The following SMOC1 variants were observed in gnomAD, a reference collection of about 807,000 sequenced individuals.
SMOC1 encodes the protein SPARC-related modular calcium-binding protein 1.
A neutral mutation model predicts 56.3 loss-of-function variants in SMOC1; 22 were observed. The observed-to-expected ratio is 0.39, with a 90% CI of 0.28 to 0.56. The LOEUF (loss-of-function observed/expected upper bound fraction) is 0.56. Ranked by LOEUF, SMOC1 falls within the 20% of genes least tolerant of loss-of-function variation. The pLI is 0.61. For synonymous variants in SMOC1, 193 were observed against 215.0 expected (o/e 0.90, Z 0.89); for missense variants, 509 against 565.4 (o/e 0.90, Z 1.01).
intron 11 of SMOC1, among the ~76,000 whole-genome samples, chr14:70,025,067 G>A (rs1231303980): frequency 6.6e-6 from 1 of 152,128 alleles, no homozygotes; most frequent in Non-Finnish European, 1.5e-5. Context: ...TCACTGAGAT[G>A]GGCAACATGG....
intron 3 of SMOC1, among the ~76,000 whole-genome samples, chr14:69,961,654 G>T (rs1883385036): frequency 6.6e-6 from 1 of 152,252 alleles, no homozygotes; most frequent in Admixed American, 6.5e-5. Flanking sequence ...AGGATTACAG[G>T]TGTGGGCCAC....
At chr14:69,957,156 G>T (rs1257287198) in intron 3 of SMOC1, among the ~76,000 whole-genome samples, 1 of 152,180 alleles carries the variant, frequency 6.6e-6, no homozygotes, top group South Asian at 2.1e-4. Context: ...CCAAGCAGTT[G>T]TCTGGTGCCC....
intron 5 of SMOC1, among the ~76,000 whole-genome samples, chr14:69,981,991 A>C (rs920546549): frequency 6.6e-6 from 1 of 152,078 alleles, no homozygotes; most frequent in African/African-American, 2.4e-5. Context: ...AGAGTGATTA[A>C]ATGAAAGGAT....
intron 7 of SMOC1, among the ~76,000 whole-genome samples, chr14:70,002,863 C>T (rs1314673257): frequency 6.6e-6 from 1 of 152,214 alleles, no homozygotes; most frequent in Non-Finnish European, 1.5e-5. Flanking sequence ...TCATGGAGTG[C>T]AGCAACCCTT....
At chr14:69,890,085 T>C (rs1883920049) in intron 1 of SMOC1, among the ~76,000 whole-genome samples, 1 of 152,202 alleles carries the variant, frequency 6.6e-6, no homozygotes, top group African/African-American at 2.4e-5. Context: ...CCTACCACAT[T>C]CATTAAGGGC....
At chr14:69,974,937 G>A (rs1379735758) in intron 3 of SMOC1, among the ~76,000 whole-genome samples, 1 of 152,144 alleles carries the variant, frequency 6.6e-6, no homozygotes, top group Admixed American at 6.5e-5. Context: ...ATGGATGCTA[G>A]GAGAAGCTAG....
chr14:70,020,247 TAG>T (rs1885660359), intron 10 of SMOC1, among the ~76,000 whole-genome samples: 1 of 152,110 alleles, frequency 6.6e-6, no homozygotes, highest in African/African-American at 2.4e-5. Flanking sequence ...TCCATTTCTC[TAG>T]AGAGAGAGCT....
intron 5 of SMOC1, among the ~76,000 whole-genome samples, chr14:69,990,485 C>A (rs1048701345): frequency 6.6e-6 from 1 of 152,198 alleles, no homozygotes; most frequent in Admixed American, 6.5e-5. Flanking sequence ...GGGCTGAGCA[C>A]ACTGTGCTGG....
intron 7 of SMOC1, among the ~76,000 whole-genome samples, chr14:70,007,308 C>T (rs1452612961): frequency 1.3e-5 from 2 of 152,182 alleles, no homozygotes; most frequent in African/African-American, 4.8e-5. Context: ...CACCTAATTC[C>T]AAGTCTGGCC....
chr14:69,896,201 T>C (rs766428462), intron 1 of SMOC1, among the ~76,000 whole-genome samples: 3 of 152,214 alleles, frequency 2.0e-5, no homozygotes, highest in Non-Finnish European at 4.4e-5. Context: ...GAAATTCACC[T>C]CCCATCTCAA....
chr14:69,974,932 T>C (rs1414104494), intron 3 of SMOC1, among the ~76,000 whole-genome samples: 1 of 152,156 alleles, frequency 6.6e-6, no homozygotes, highest in Non-Finnish European at 1.5e-5. Flanking sequence ...TATGAATGGA[T>C]GCTAGGAGAA....
At chr14:70,023,060 A>T in intron 10 of SMOC1, 143 bp from the exon 11 acceptor site, 2 of 1,291,888 alleles carry the variant, frequency 1.5e-6, no homozygotes, top group African/African-American at 1.5e-5. Flanking sequence ...TAACGTTGCC[A>T]CAGGCTGAGC....
intron 1 of SMOC1, among the ~76,000 whole-genome samples, chr14:69,895,795 G>A (rs186526131): frequency 2.0e-5 from 3 of 151,814 alleles, no homozygotes. Context: ...GAAAAGACTG[G>A]GCTCACAGCC....
intron 4 of SMOC1, among the ~76,000 whole-genome samples, chr14:69,977,631 G>A (rs1884014420): frequency 6.6e-6 from 1 of 152,186 alleles, no homozygotes; most frequent in Non-Finnish European, 1.5e-5. Context: ...CAACTAGGGA[G>A]TTATATGAGT....
intron 1 of SMOC1, among the ~76,000 whole-genome samples, chr14:69,907,770 T>C (rs956063956): frequency 1.3e-5 from 2 of 152,228 alleles, no homozygotes; most frequent in African/African-American, 4.8e-5. Flanking sequence ...AGGCTGGAAG[T>C]CCAAGATCAA....
intron 1 of SMOC1, among the ~76,000 whole-genome samples, chr14:69,900,237 C>G (rs539599439): frequency 6.6e-6 from 1 of 152,322 alleles, no homozygotes; most frequent in African/African-American, 2.4e-5. Flanking sequence ...CACCCAACTA[C>G]CTAGTCCTTA....
At chr14:69,941,436 T>A (rs1216848378) in intron 1 of SMOC1, among the ~76,000 whole-genome samples, 1 of 152,182 alleles carries the variant, frequency 6.6e-6, no homozygotes, top group Non-Finnish European at 1.5e-5. Context: ...AAGCTCATCA[T>A]CTACAGTGTG....
intron 1 of SMOC1, among the ~76,000 whole-genome samples, chr14:69,940,583 C>T (rs200006820): frequency 3.1e-4 from 47 of 152,150 alleles, no homozygotes; most frequent in East Asian, 7.7e-4. Context: ...AAGGGCAGGA[C>T]GCTTAGAACC....
At chr14:69,932,147 C>T (rs1311993214) in intron 1 of SMOC1, among the ~76,000 whole-genome samples, 1 of 152,172 alleles carries the variant, frequency 6.6e-6, no homozygotes, top group African/African-American at 2.4e-5. Flanking sequence ...ACGGGAACAC[C>T]CTTCTTCACC....
Sources: gnomAD v4.1 joint callset for allele counts (sites outside exome capture counted in the v4.1 genomes callset) on GRCh38, gnomAD v4.1.1 for gene constraint, MANE v1.5 for transcripts, NCBI Gene and HGNC (gene_info 2026-07-23, HGNC 2026-07-21) for gene names.